The following TAOK3 variants were observed in gnomAD, a reference collection of about 807,000 sequenced individuals.
The protein encoded by TAOK3 is serine/threonine-protein kinase TAO3.
Under a neutral mutation model 120.4 loss-of-function variants are expected in TAOK3, and 40 were observed. That is an observed-to-expected ratio of 0.33 (90% CI 0.26 to 0.43). TAOK3 has a LOEUF of 0.43. Ranked by LOEUF, TAOK3 falls within the 20% of genes least tolerant of loss-of-function variation. The probability of loss-of-function intolerance (pLI) is 1.00; values close to 1 mark genes in which losing one functional copy is unlikely to be tolerated. For missense variants in TAOK3, 821 were observed against 1,112.1 expected (o/e 0.74, Z 3.72); for synonymous variants, 355 against 387.5 (o/e 0.92, Z 0.99).
At chr12:118,243,837 A>C (rs2040359738) in intron 4 of TAOK3, among the ~76,000 whole-genome samples, 1 of 151,894 alleles carries the variant, frequency 6.6e-6, no homozygotes, top group Admixed American at 6.6e-5. Context: ...CCACCAGACC[A>C]AACTAATTTT....
rs760373463 is a variant in TAOK3, at chr12:118,201,448, G to C, written c.835C>G (p.Arg279Gly). ...AELLRHDFVR[R>G]DRPLRVLIDL... is the part of the protein sequence containing the mutation. Reference sequence around the variant, plus strand: ...ATGAGGACACGTAGTGGCCGGTCTCGTCGAACAAAGTCATGCTGATTGAGG... The same window carrying C: ...ATGAGGACACGTAGTGGCCGGTCTCCTCGAACAAAGTCATGCTGATTGAGG... Residue 279 changes from arginine to glycine, a missense_variant, in exon 12 of 21, where the codon CGA (arginine) becomes GGA (glycine). By Grantham distance (125) the Arg-to-Gly change is moderately radical. Around this residue, in one of 2 missense-constraint regions of TAOK3, gnomAD observed 467 missense variants for 540.0 expected, o/e 0.86. Transcript: ENST00000392533. 1 of 1,609,308 alleles carries C rather than the reference G, an allele frequency of 6.2e-7. No homozygotes were observed. Among genetic ancestry groups the C allele is most frequent in the African/African-American group, 1.3e-5 (1 of 74,688 alleles).
Position 118,255,512 on chromosome 12 carries a change from T to G in TAOK3, c.56A>C (p.Asp19Ala), listed in dbSNP as rs767810305. 3 of 1,614,144 alleles carry G rather than the reference T, an allele frequency of 1.9e-6. No individual in the cohort carries two copies. The African/African-American group carries it at 4.0e-5, about 22-fold the overall frequency. The change falls in exon 3 of 21, where the codon GAT becomes GCT. Residue 19 changes from aspartate to alanine, a missense_variant. Transcript: ENST00000392533. ...PEIADLFYKD[D>A]PEELFIGLHE... Reference sequence around the variant, plus strand: ...CAAACCAATAAAAAGTTCCTCAGGATCATCTTTGTAGAATAGATCGGCAAT... The same window carrying G: ...CAAACCAATAAAAAGTTCCTCAGGAGCATCTTTGTAGAATAGATCGGCAAT...
intron 1 of TAOK3, among the ~76,000 whole-genome samples, chr12:118,277,415 C>T (rs933047109): frequency 6.6e-6 from 1 of 151,964 alleles, no homozygotes; most frequent in Admixed American, 6.6e-5. Context: ...ATCCCAGCAA[C>T]CCATAGGACT....
Position 118,151,099 on chromosome 12 carries a change from C to T in TAOK3, c.2595G>A (p.Leu865=), listed in dbSNP as rs756466234. The change falls in exon 21 of 21, where the codon TTG becomes TTA. Residue 865 remains leucine, a synonymous_variant. Coordinates refer to ENST00000392533, the MANE Select transcript of TAOK3 (RefSeq NM_016281.4). ...TTTCAATCTCTCGCTCTTGCCTTTCCAATAGGTTCTTTATTCTCTCGCTGC... is the reference window on the plus strand; with the variant it reads ...TTTCAATCTCTCGCTCTTGCCTTTCTAATAGGTTCTTTATTCTCTCGCTGC... ...KERSERIKNL[L]ERQEREIETF... The T allele has an allele frequency of 1.2e-6, 2 of 1,613,690 alleles. No individual in the cohort carries two copies. Among genetic ancestry groups the T allele is most frequent in the Non-Finnish European group, 1.7e-6 (2 of 1,180,016 alleles).
intron 1 of TAOK3, among the ~76,000 whole-genome samples, chr12:118,352,057 A>G (rs998614862): frequency 2.0e-5 from 3 of 150,874 alleles, no homozygotes; most frequent in African/African-American, 7.3e-5. Flanking sequence ...TATTTTTAGT[A>G]GAGATGGGGT....
At chr12:118,325,740 C>G (rs2043909784) in intron 1 of TAOK3, among the ~76,000 whole-genome samples, 1 of 152,168 alleles carries the variant, frequency 6.6e-6, no homozygotes, top group Admixed American at 6.5e-5. Flanking sequence ...AGTGCAGTAG[C>G]ATGATCTCGG....
At chr12:118,163,446 T>A (rs2035354016) in intron 17 of TAOK3, among the ~76,000 whole-genome samples, 2 of 113,086 alleles carry the variant, frequency 1.8e-5, no homozygotes, top group African/African-American at 5.9e-5. Context: ...ATACTTTTTT[T>A]TTGGGGGGGG....
chr12:118,215,842 T>C (rs1034405529), intron 9 of TAOK3, among the ~76,000 whole-genome samples: 2 of 152,008 alleles, frequency 1.3e-5, no homozygotes, highest in Non-Finnish European at 2.9e-5. Flanking sequence ...CCTCAACCTC[T>C]TGAGTAGCTG....
intron 1 of TAOK3, among the ~76,000 whole-genome samples, chr12:118,297,972 C>T (rs928190628): frequency 1.3e-5 from 2 of 152,080 alleles, no homozygotes; most frequent in African/African-American, 4.8e-5. Context: ...TAGAGATGGG[C>T]TCTCACTGTG....
At chr12:118,244,489 TA>T (rs1046182845) in intron 4 of TAOK3, among the ~76,000 whole-genome samples, 5 of 150,990 alleles carry the variant, frequency 3.3e-5, no homozygotes, top group African/African-American at 9.7e-5. Context: ...AAAATTGTTC[TA>T]AAAAAAAGTT....
intron 1 of TAOK3, among the ~76,000 whole-genome samples, chr12:118,277,055 A>G (rs2140371442): frequency 6.6e-6 from 1 of 152,366 alleles, no homozygotes; most frequent in African/African-American, 2.4e-5. Flanking sequence ...TACAACTTAT[A>G]TGAAACAAAT....
In TAOK3 at chr12:118,172,488, C is replaced by T. The variant is rs1403295127; in HGVS notation, c.1868G>A (p.Arg623Gln). The change falls in exon 17 of 21, where the codon CGG becomes CAG. Residue 623 changes from arginine to glutamine, a missense_variant. This residue lies in a region of TAOK3 where 354 missense variants were observed against 572.1 expected (regional missense o/e 0.62). Transcript: ENST00000392533. ...RFFKRKIMIK[R>Q]HEVEQQNIRE... is the part of the protein sequence containing the mutation. Reference sequence around the variant, plus strand: ...AATGTTCTGCTGCTCCACCTCGTGCCGCTTGATCATTATTTTCCGCTTGAA... The same window carrying T: ...AATGTTCTGCTGCTCCACCTCGTGCTGCTTGATCATTATTTTCCGCTTGAA... 13 of 1,613,948 alleles carry T rather than the reference C, an allele frequency of 8.1e-6. No individual in the cohort carries two copies. Among genetic ancestry groups the T allele is most frequent in the African/African-American group, 4.0e-5 (3 of 74,878 alleles).
intron 11 of TAOK3, among the ~76,000 whole-genome samples, chr12:118,209,713 TCTTC>T (rs2038522457): frequency 1.2e-5 from 1 of 85,346 alleles, no homozygotes; most frequent in Non-Finnish European, 2.6e-5. Context: ...TTCTTCTTCT[TCTTC>T]TTTTTTTTTT....
At chr12:118,331,384 C>A (rs2044138884) in intron 1 of TAOK3, among the ~76,000 whole-genome samples, 1 of 152,072 alleles carries the variant, frequency 6.6e-6, no homozygotes, top group Admixed American at 6.6e-5. Flanking sequence ...GTGGCTCGCA[C>A]CTGTAATCCC....
At chr12:118,348,183 G>T (rs1257200254) in intron 1 of TAOK3, among the ~76,000 whole-genome samples, 1 of 152,084 alleles carries the variant, frequency 6.6e-6, no homozygotes, top group Admixed American at 6.5e-5. Context: ...TCCCTAGTAC[G>T]GAAGTAATCT....
At chr12:118,197,101 C>A (rs10507286) in intron 13 of TAOK3, among the ~76,000 whole-genome samples, 1 of 151,982 alleles carries the variant, frequency 6.6e-6, no homozygotes, top group Non-Finnish European at 1.5e-5. Flanking sequence ...AGCTCAGGTA[C>A]AAGAACTAAA....
chr12:118,361,853 G>A (rs1007028675), intron 1 of TAOK3, among the ~76,000 whole-genome samples: 5 of 152,068 alleles, frequency 3.3e-5, no homozygotes, highest in African/African-American at 1.2e-4. Flanking sequence ...ATTGCACGAT[G>A]TTGAGGTTTG....
intron 1 of TAOK3, among the ~76,000 whole-genome samples, chr12:118,281,548 GCTGAGGCAGGCGAATCAC>G (rs1410831552): frequency 1.3e-5 from 2 of 152,190 alleles, no homozygotes; most frequent in African/African-American, 4.8e-5. Context: ...ACTTTGGGAG[GCTGAGGCAGGCGAATCAC>G]CTGAGGTCAG....
At chr12:118,221,137 T>C (rs2039209682) in intron 9 of TAOK3, among the ~76,000 whole-genome samples, 1 of 152,276 alleles carries the variant, frequency 6.6e-6, no homozygotes, top group South Asian at 2.1e-4. Context: ...AGACATTAGA[T>C]AGCTTCCAAA....
Sources: allele counts gnomAD v4.1 joint callset (sites outside exome capture counted in the v4.1 genomes callset), GRCh38; gene constraint gnomAD v4.1.1; regional missense constraint gnomAD v4.1.1; transcripts MANE v1.5; gene names NCBI Gene and HGNC (gene_info 2026-07-23, HGNC 2026-07-21).